FAM168A: variants seen among roughly 807,000 people sequenced by gnomAD.
FAM168A encodes family with sequence similarity 168 member A, also known as protein FAM168A.
FAM168A carries 3 observed loss-of-function variants against 28.5 expected under a neutral mutation model. The ratio of observed to expected loss-of-function variants is 0.11; its 90% confidence interval spans 0.05 to 0.27. FAM168A has a LOEUF of 0.27. Among genes scored for constraint, FAM168A ranks in the 10% least tolerant of loss-of-function variants. FAM168A has a pLI of 1.00. For synonymous variants in FAM168A, 122 were observed against 124.2 expected, an observed-to-expected ratio of 0.98 and a Z score of 0.12; for missense variants, 222 against 311.5, an observed-to-expected ratio of 0.71 and a Z score of 2.16.
chr11:73,473,499 T>C (rs1236658121), intron 1 of FAM168A, among the ~76,000 whole-genome samples: 1 of 152,216 alleles, frequency 6.6e-6, no homozygotes, highest in Non-Finnish European at 1.5e-5. Flanking sequence ...TGGGCAGTTA[T>C]AACTATATGA....
chr11:73,546,030 T>C (rs977715765), intron 1 of FAM168A, among the ~76,000 whole-genome samples: 1 of 152,202 alleles, frequency 6.6e-6, no homozygotes, highest in Non-Finnish European at 1.5e-5. Flanking sequence ...TCTAGGGCTC[T>C]TTCTTAGCTC....
chr11:73,527,375 T>C (rs1214971550), intron 1 of FAM168A, among the ~76,000 whole-genome samples: 2 of 152,088 alleles, frequency 1.3e-5, no homozygotes, highest in Admixed American at 6.6e-5. Flanking sequence ...CCACAGGAAA[T>C]AACTACCTTT....
At chr11:73,417,840 T>C (rs888518264) in intron 4 of FAM168A, among the ~76,000 whole-genome samples, 8 of 152,162 alleles carry the variant, frequency 5.3e-5, no homozygotes, top group Admixed American at 3.3e-4. Context: ...ATTACAGGTG[T>C]GAGCCACCGC....
chr11:73,521,078 A>C (rs1490349062), intron 1 of FAM168A, among the ~76,000 whole-genome samples: 2 of 152,216 alleles, frequency 1.3e-5, no homozygotes. Context: ...CATTGTGATA[A>C]AATAGTTTCA....
chr11:73,562,450 A>C (rs1943970314), intron 1 of FAM168A, among the ~76,000 whole-genome samples: 2 of 152,228 alleles, frequency 1.3e-5, no homozygotes, highest in African/African-American at 4.8e-5. Context: ...GTTTTCCATC[A>C]CAGAATGAAG....
chr11:73,565,514 T>C (rs1944011671), intron 1 of FAM168A, among the ~76,000 whole-genome samples: 1 of 152,136 alleles, frequency 6.6e-6, no homozygotes, highest in Admixed American at 6.5e-5. Context: ...GTCACTTTTC[T>C]GACCCTCAAT....
chr11:73,580,162 T>G, intron 1 of FAM168A: 1 of 363,838 alleles, frequency 2.7e-6, no homozygotes. Flanking sequence ...GAAGAAGAGG[T>G]GAGAACGACC....
chr11:73,546,119 C>T (rs1943748424), intron 1 of FAM168A, among the ~76,000 whole-genome samples: 1 of 152,054 alleles, frequency 6.6e-6, no homozygotes, highest in South Asian at 2.1e-4. Context: ...GATTAATAAA[C>T]CAAAGACTAA....
At chr11:73,560,959 G>T (rs1943950951) in intron 1 of FAM168A, among the ~76,000 whole-genome samples, 1 of 151,932 alleles carries the variant, frequency 6.6e-6, no homozygotes, top group Non-Finnish European at 1.5e-5. Flanking sequence ...TACTCAGGAG[G>T]CCGAGGCTGG....
At chr11:73,517,915 A>G (rs1943325669) in intron 1 of FAM168A, among the ~76,000 whole-genome samples, 2 of 152,246 alleles carry the variant, frequency 1.3e-5, no homozygotes, top group African/African-American at 4.8e-5. Context: ...TATTCAAAAA[A>G]AAAGGAGTGG....
At chr11:73,448,560 A>G (rs905708381) in intron 2 of FAM168A, among the ~76,000 whole-genome samples, 2 of 152,194 alleles carry the variant, frequency 1.3e-5, no homozygotes, top group Non-Finnish European at 2.9e-5. Context: ...TGCTTTCACT[A>G]CTGAGTCTGG....
chr11:73,490,117 A>C (rs1382227139), intron 1 of FAM168A, among the ~76,000 whole-genome samples: 1 of 152,186 alleles, frequency 6.6e-6, no homozygotes, highest in Admixed American at 6.5e-5. Flanking sequence ...AATTGCACAG[A>C]TAAAAATTTT....
At chr11:73,476,438 A>C (rs1203713390) in intron 1 of FAM168A, among the ~76,000 whole-genome samples, 1 of 80,216 alleles carries the variant, frequency 1.2e-5, no homozygotes, top group Non-Finnish European at 2.3e-5. Flanking sequence ...CAGCAACAAC[A>C]ACCTCCTGAT....
chr11:73,498,055 G>C (rs1429260197), intron 1 of FAM168A, among the ~76,000 whole-genome samples: 1 of 152,014 alleles, frequency 6.6e-6, no homozygotes, highest in Non-Finnish European at 1.5e-5. Flanking sequence ...AAACACCCCT[G>C]CCCTCAAAAA....
chr11:73,420,642 C>A (rs915115356), intron 3 of FAM168A, among the ~76,000 whole-genome samples: 13 of 152,242 alleles, frequency 8.5e-5, no homozygotes, highest in African/African-American at 2.9e-4. Flanking sequence ...ATACTTCTTG[C>A]ATACCCCTGA....
intron 1 of FAM168A, among the ~76,000 whole-genome samples, chr11:73,571,360 C>CGAG (rs1220548752): frequency 0.081 from 12,287 of 151,618 alleles, 712 homozygotes; most frequent in Admixed American, 0.16. Context: ...ATTCCCCTGC[C>CGAG]TCAGCCTGCC....
intron 1 of FAM168A, among the ~76,000 whole-genome samples, chr11:73,525,646 T>G (rs1239671547): frequency 6.6e-6 from 1 of 152,202 alleles, no homozygotes; most frequent in African/African-American, 2.4e-5. Flanking sequence ...CTCTAATACC[T>G]AGGCTAGGGT....
chr11:73,585,290 G>A (rs1014546677), intron 1 of FAM168A, among the ~76,000 whole-genome samples: 1 of 152,170 alleles, frequency 6.6e-6, no homozygotes, highest in African/African-American at 2.4e-5. Flanking sequence ...GCCAAGCACT[G>A]TAGTAAGTTC....
intron 2 of FAM168A, among the ~76,000 whole-genome samples, chr11:73,453,042 A>G (rs769557790): frequency 9.9e-5 from 15 of 152,234 alleles, no homozygotes; most frequent in Non-Finnish European, 1.9e-4. Flanking sequence ...TGAATTCTGA[A>G]GATAAGACAT....
Sources: allele counts gnomAD v4.1 joint callset (sites outside exome capture counted in the v4.1 genomes callset), GRCh38; gene constraint gnomAD v4.1.1; transcripts MANE v1.5; gene names NCBI Gene and HGNC (gene_info 2026-07-23, HGNC 2026-07-21).